The following GPC3 variants were observed in gnomAD, a reference collection of about 807,000 sequenced individuals.
The protein encoded by GPC3 is glypican-3.
In GPC3, 3 loss-of-function variants were observed where a neutral mutation model predicts 34.4. The ratio of observed to expected loss-of-function variants is 0.09; its 90% confidence interval spans 0.04 to 0.23. GPC3 has a LOEUF of 0.23. Ranked by LOEUF, GPC3 falls within the 10% of genes least tolerant of loss-of-function variation. The pLI, the probability that GPC3 is intolerant of heterozygous loss-of-function variation, is 1.00. For missense variants in GPC3, 351 were observed against 445.6 expected (o/e 0.79, Z 1.91); for synonymous variants, 177 against 174.0 (o/e 1.02, Z -0.13).
chrX:133,682,383 A>T (rs748822703), intron 5 of GPC3, among the ~76,000 whole-genome samples: 7 of 111,597 alleles, frequency 6.3e-5, no homozygotes, highest in Non-Finnish European at 1.3e-4. Flanking sequence ...GTTCCCAAAG[A>T]CTCACATTAT....
chrX:133,765,427 TA>T (rs1360972526), intron 2 of GPC3, among the ~76,000 whole-genome samples: 1 of 111,974 alleles, frequency 8.9e-6, no homozygotes, highest in Non-Finnish European at 1.9e-5. Context: ...TTCTGCACCT[TA>T]AAAAAGGAAT....
chrX:133,763,312 T>C (rs888293724), intron 2 of GPC3: 6 of 562,631 alleles, frequency 1.1e-5, no homozygotes, highest in East Asian at 1.0e-4. Flanking sequence ...CTCAGTGGGT[T>C]TGATGTGGTG....
intron 2 of GPC3, among the ~76,000 whole-genome samples, chrX:133,813,569 G>T (rs1300128680): frequency 8.9e-6 from 1 of 112,552 alleles, no homozygotes; most frequent in African/African-American, 3.2e-5. Flanking sequence ...TAGAAAACCA[G>T]CTTGCCCTTG....
chrX:133,914,944 AATATATATATATATATATATATAT>A (rs35086661), intron 2 of GPC3, among the ~76,000 whole-genome samples: 7 of 49,944 alleles, frequency 1.4e-4, no homozygotes, highest in South Asian at 2.4e-3. Context: ...TCAAACTGGA[AATATATATATATATATATATATAT>A]ATATATATAT....
intron 2 of GPC3, among the ~76,000 whole-genome samples, chrX:133,814,643 C>T (rs2075681075): frequency 9.0e-6 from 1 of 110,919 alleles, no homozygotes; most frequent in Non-Finnish European, 1.9e-5. Flanking sequence ...TCTCGGCTCA[C>T]TGCAACCTCC....
At chrX:133,752,014 C>G (rs1204992964) in intron 3 of GPC3, among the ~76,000 whole-genome samples, 3 of 110,816 alleles carry the variant, frequency 2.7e-5, no homozygotes, top group Admixed American at 9.6e-5. Flanking sequence ...TGCCACCATG[C>G]CTGGCTAATT....
At chrX:133,801,876 A>G (rs994173723) in intron 2 of GPC3, among the ~76,000 whole-genome samples, 2 of 112,351 alleles carry the variant, frequency 1.8e-5, no homozygotes, top group Non-Finnish European at 3.8e-5. Flanking sequence ...TTAATTGCAC[A>G]TGAATGAACT....
chrX:133,633,871 G>T (rs1384404432), intron 6 of GPC3, among the ~76,000 whole-genome samples: 1 of 111,599 alleles, frequency 9.0e-6, no homozygotes, highest in African/African-American at 3.3e-5. Flanking sequence ...GCTCAAAACA[G>T]TACAAACAAA....
At chrX:133,823,409 A>C (rs1248527110) in intron 2 of GPC3, among the ~76,000 whole-genome samples, 1 of 111,164 alleles carries the variant, frequency 9.0e-6, no homozygotes, top group Non-Finnish European at 1.9e-5. Context: ...AAATGCTCTA[A>C]AGGAAGTTCT....
chrX:133,668,621 C>T (rs1339931731), intron 5 of GPC3, among the ~76,000 whole-genome samples: 3 of 110,243 alleles, frequency 2.7e-5, no homozygotes, highest in Non-Finnish European at 3.8e-5. Flanking sequence ...TGAGTGCTTT[C>T]TCTGTGCCAG....
intron 7 of GPC3, among the ~76,000 whole-genome samples, chrX:133,543,758 A>C (rs776370425): frequency 1.8e-5 from 2 of 112,170 alleles, no homozygotes; most frequent in East Asian, 5.6e-4. Context: ...GGGGGAAAGC[A>C]CACTTTTTTA....
rs144895336 is a variant in GPC3 at position 133,744,768 on chromosome X, C to T, written c.1032+8714G>A. 4.1e-3 allele frequency among the ~76,000 whole-genome samples: 460 copies of T among 112,150 alleles called. 3 individuals are homozygous for T. The highest frequency in any genetic ancestry group is 0.02 in the East Asian group (71 of 3,577). On this transcript the variant is annotated intron_variant, in intron 3 of 7. Coordinates refer to ENST00000370818, the MANE Select transcript of GPC3 (RefSeq NM_004484.4). ...CAAAGACTTGGAACCAACCCAAATG[C>T]CCATCAATGTTAGACTGGATAAAGA...
intron 1 of GPC3, among the ~76,000 whole-genome samples, chrX:133,961,636 A>C (rs1165020485): frequency 1.8e-5 from 2 of 111,972 alleles, no homozygotes; most frequent in Non-Finnish European, 3.8e-5. Flanking sequence ...GCCCAGCCCA[A>C]GGAATATAAT....
intron 5 of GPC3, among the ~76,000 whole-genome samples, chrX:133,690,623 G>T (rs1454620888): frequency 1.8e-5 from 2 of 111,660 alleles, no homozygotes; most frequent in Non-Finnish European, 3.8e-5. Flanking sequence ...TTTCGCCCTT[G>T]CACCCCTACC....
chrX:133,597,922 T>A (rs1320371259), intron 6 of GPC3, among the ~76,000 whole-genome samples: 1 of 111,050 alleles, frequency 9.0e-6, no homozygotes, highest in Non-Finnish European at 1.9e-5. Flanking sequence ...ACTACATTTA[T>A]ATTATATATA....
intron 2 of GPC3, among the ~76,000 whole-genome samples, chrX:133,789,405 T>C (rs1225540748): frequency 3.6e-5 from 4 of 112,029 alleles, no homozygotes; most frequent in African/African-American, 1.3e-4. Flanking sequence ...GACAGGCCCT[T>C]CAATGTGAGC....
intron 7 of GPC3, among the ~76,000 whole-genome samples, chrX:133,543,596 T>C (rs2069359631): frequency 8.9e-6 from 1 of 112,627 alleles, no homozygotes; most frequent in Non-Finnish European, 1.9e-5. Flanking sequence ...AATAGGATGT[T>C]GAAAGAATAT....
In GPC3 at chrX:133,621,379, G is replaced by T. The variant is rs1176408061; in HGVS notation, c.1414-24780C>A. Among the ~76,000 whole-genome samples, 3 of 112,011 alleles carry T rather than the reference G, an allele frequency of 2.7e-5. No homozygotes were observed. In the Admixed American group the frequency reaches 2.8e-4, roughly 11 times the overall value. On this transcript the variant is annotated intron_variant, in intron 6 of 7. Coordinates refer to ENST00000370818, the MANE Select transcript of GPC3 (RefSeq NM_004484.4). ...ATCACCTCACCCGGGAAGTGCAAGG[G>T]GTTGGGGAATTCCCTTTCCTAGCCA...
At chrX:133,641,368 C>T (rs1209224913) in intron 6 of GPC3, among the ~76,000 whole-genome samples, 4 of 109,055 alleles carry the variant, frequency 3.7e-5, no homozygotes, top group African/African-American at 1.3e-4. Context: ...CCCAGCTACT[C>T]GAGAGGCTGA....
Sources: gnomAD v4.1 joint callset for allele counts (sites outside exome capture counted in the v4.1 genomes callset) on GRCh38, gnomAD v4.1.1 for gene constraint, MANE v1.5 for transcripts, NCBI Gene and HGNC (gene_info 2026-07-23, HGNC 2026-07-21) for gene names.